Variants in FHIT observed in about 807,000 individuals in gnomAD.
The protein encoded by FHIT is fragile histidine triad diadenosine triphosphatase, also known as bis(5'-adenosyl)-triphosphatase.
A neutral mutation model predicts 17.9 loss-of-function variants in FHIT; 19 were observed. That is an observed-to-expected ratio of 1.06 (90% confidence interval 0.74 to 1.56). The LOEUF is 1.56. Among genes scored for constraint, FHIT ranks in the 40% most tolerant of loss-of-function variants. The probability of loss-of-function intolerance (pLI) is 0.00; values close to 1 mark genes in which losing one functional copy is unlikely to be tolerated. For synonymous variants in FHIT, 81 were observed against 69.7 expected (o/e 1.16, Z -0.81); for missense variants, 248 against 189.2 (o/e 1.31, Z -1.82).
intron 5 of FHIT, among the ~76,000 whole-genome samples, chr3:60,018,194 A>G (rs1231685350): frequency 6.6e-6 from 1 of 152,170 alleles, no homozygotes; most frequent in Non-Finnish European, 1.5e-5. Flanking sequence ...AAAGGAGGCA[A>G]GAGAGACAGG....
intron 5 of FHIT, among the ~76,000 whole-genome samples, chr3:60,450,750 G>A (rs1191414573): frequency 6.6e-6 from 1 of 152,032 alleles, no homozygotes; most frequent in African/African-American, 2.4e-5. Context: ...GAAAAGTTGT[G>A]TGCAAGGAGC....
At position 61,038,823 on chromosome 3, in the gene FHIT, C is replaced by A. The variant is rs181557344; in HGVS notation, c.-111+3224G>T. Among the ~76,000 whole-genome samples, 346 of 152,118 alleles carry A rather than the reference C, an allele frequency of 2.3e-3. 5 individuals carry two copies. The highest frequency in any genetic ancestry group is 0.02 in the Admixed American group (300 of 15,280). ...ACAACCTGCTTGATAATTTGCAGGA[C>A]CCAGAGCAAAATAAAAATGCAGGGT... On this transcript the variant is annotated intron_variant, in intron 3 of 9. Coordinates refer to ENST00000492590, the MANE Select transcript of FHIT (RefSeq NM_002012.4).
intron 2 of FHIT, among the ~76,000 whole-genome samples, chr3:61,057,922 G>C (rs2034282582): frequency 6.6e-6 from 1 of 152,148 alleles, no homozygotes; most frequent in African/African-American, 2.4e-5. Flanking sequence ...AAGGCTCCTT[G>C]GGTCACAGAA....
intron 4 of FHIT, among the ~76,000 whole-genome samples, chr3:60,765,326 G>C (rs960852688): frequency 6.6e-6 from 1 of 152,132 alleles, no homozygotes; most frequent in Non-Finnish European, 1.5e-5. Flanking sequence ...CTTCTCAAAA[G>C]GGAATTTGCC....
chr3:61,151,936 T>C (rs1416100973), intron 2 of FHIT, among the ~76,000 whole-genome samples: 1 of 152,228 alleles, frequency 6.6e-6, no homozygotes, highest in Non-Finnish European at 1.5e-5. Context: ...TATAAGCATT[T>C]GATTAATTCA....
At chr3:60,134,369 G>A (rs1699719420) in intron 5 of FHIT, among the ~76,000 whole-genome samples, 1 of 152,136 alleles carries the variant, frequency 6.6e-6, no homozygotes, top group African/African-American at 2.4e-5. Flanking sequence ...CTCTACTTTA[G>A]AAAATTGTTC....
At chr3:60,275,673 C>T (rs57290187) in intron 5 of FHIT, among the ~76,000 whole-genome samples, 4,518 of 152,150 alleles carry the variant, frequency 0.03, 203 homozygotes, top group African/African-American at 0.1. Flanking sequence ...GTGGTTGGCA[C>T]ATAATATGTG....
intron 3 of FHIT, among the ~76,000 whole-genome samples, chr3:60,907,968 T>C (rs75167544): frequency 0.019 from 2,837 of 152,298 alleles, 52 homozygotes; most frequent in Non-Finnish European, 0.026. Flanking sequence ...GTAGCTGGAA[T>C]TTGAAGTTAA....
intron 2 of FHIT, chr3:61,167,176 A>C (rs570317377): frequency 1.8e-4 from 27 of 152,274 alleles, no homozygotes; most frequent in African/African-American, 6.3e-4. Context: ...AATTCGATAC[A>C]GGATTTTTCT....
chr3:61,097,273 G>C (rs114491236), intron 2 of FHIT, among the ~76,000 whole-genome samples: 1 of 152,210 alleles, frequency 6.6e-6, no homozygotes, highest in Non-Finnish European at 1.5e-5. Context: ...CTGAGCGAGA[G>C]CCGAAGCAGG....
At chr3:60,909,364 GTC>G (rs1553765288) in intron 3 of FHIT, among the ~76,000 whole-genome samples, 1 of 107,998 alleles carries the variant, frequency 9.3e-6, no homozygotes, top group Non-Finnish European at 1.8e-5. Flanking sequence ...GCGAGACTCT[GTC>G]TCGAAAAAAA....
At chr3:60,868,611 T>C (rs1353135549) in intron 3 of FHIT, among the ~76,000 whole-genome samples, 2 of 152,186 alleles carry the variant, frequency 1.3e-5, no homozygotes, top group Non-Finnish European at 2.9e-5. Flanking sequence ...GTGGGATTCA[T>C]TGACAATATA....
At chr3:60,043,863 G>A (rs577691764) in intron 5 of FHIT, among the ~76,000 whole-genome samples, 10 of 152,088 alleles carry the variant, frequency 6.6e-5, no homozygotes, top group Non-Finnish European at 1.3e-4. Flanking sequence ...TTCTTTATAT[G>A]AAACATCAGA....
intron 3 of FHIT, among the ~76,000 whole-genome samples, chr3:60,945,063 C>A (rs1708580492): frequency 6.6e-6 from 1 of 151,840 alleles, no homozygotes; most frequent in Admixed American, 6.6e-5. Context: ...CGAAGCAGGG[C>A]AAAGAGATGG....
chr3:60,029,923 G>C (rs967822615), intron 5 of FHIT, among the ~76,000 whole-genome samples: 3 of 151,394 alleles, frequency 2.0e-5, no homozygotes, highest in African/African-American at 7.3e-5. Flanking sequence ...GTGTGTGTGT[G>C]TGTGTACAAA....
chr3:61,186,644 G>C (rs1403968), intron 2 of FHIT, among the ~76,000 whole-genome samples: 26,878 of 152,124 alleles, frequency 0.18, 2,801 homozygotes, highest in East Asian at 0.44. Context: ...TAGTTTTTGA[G>C]GGTCAACCAC....
At chr3:60,609,460 G>A (rs1329746933) in intron 4 of FHIT, among the ~76,000 whole-genome samples, 1 of 151,916 alleles carries the variant, frequency 6.6e-6, no homozygotes, top group Non-Finnish European at 1.5e-5. Context: ...TGAGTAGCTG[G>A]GATTACAGGT....
At chr3:59,970,124 T>C (rs1471106740) in intron 7 of FHIT, among the ~76,000 whole-genome samples, 1 of 152,090 alleles carries the variant, frequency 6.6e-6, no homozygotes, top group Non-Finnish European at 1.5e-5. Context: ...CAAGTTTACC[T>C]CTGGCAAGAC....
At chr3:60,916,295 C>T (rs555980887) in intron 3 of FHIT, among the ~76,000 whole-genome samples, 1 of 152,252 alleles carries the variant, frequency 6.6e-6, no homozygotes, top group South Asian at 2.1e-4. Context: ...ACTGCTAGGT[C>T]AAAAGGTATA....
Sources: allele counts gnomAD v4.1 joint callset (sites outside exome capture counted in the v4.1 genomes callset), GRCh38; gene constraint gnomAD v4.1.1; transcripts MANE v1.5; gene names NCBI Gene and HGNC (gene_info 2026-07-23, HGNC 2026-07-21).